IFT46: variants seen among roughly 807,000 people sequenced by gnomAD.
IFT46 encodes intraflagellar transport protein 46 homolog.
Under a neutral mutation model 39.6 loss-of-function variants are expected in IFT46, and 19 were observed. That is an observed-to-expected ratio of 0.48 (90% confidence interval 0.33 to 0.70). The LOEUF (loss-of-function observed/expected upper bound fraction) is 0.70. Among genes scored for constraint, IFT46 ranks in the 30% least tolerant of loss-of-function variants. The probability of loss-of-function intolerance (pLI) is 0.01; values close to 1 mark genes in which losing one functional copy is unlikely to be tolerated. For missense variants in IFT46, 334 were observed against 364.8 expected (o/e 0.92, Z 0.69); for synonymous variants, 117 against 134.8 (o/e 0.87, Z 0.91).
chr11:118,547,736 TTTC>T (rs1411218992), intron 9 of IFT46, among the ~76,000 whole-genome samples: 3 of 142,052 alleles, frequency 2.1e-5, no homozygotes, highest in Admixed American at 1.4e-4. Flanking sequence ...TTACTTTTCT[TTTC>T]TTTTCTTTTT....
intron 9 of IFT46, 101 bp from the exon 10 acceptor site, chr11:118,545,954 G>C (rs781896622): frequency 1.7e-4 from 165 of 980,626 alleles, no homozygotes; most frequent in Non-Finnish European, 2.5e-4. Flanking sequence ...ATAAGACACA[G>C]GTTATGGGCT....
intron 2 of IFT46, among the ~76,000 whole-genome samples, chr11:118,563,700 C>G (rs568547944): frequency 2.0e-5 from 3 of 152,334 alleles, no homozygotes; most frequent in East Asian, 1.9e-4. Flanking sequence ...CCTCTCTGAT[C>G]TGACCATATC....
chr11:118,556,694 A>G (rs1402355470), intron 4 of IFT46, among the ~76,000 whole-genome samples: 1 of 152,140 alleles, frequency 6.6e-6, no homozygotes, highest in Admixed American at 6.6e-5. Context: ...CGTTTCAGAT[A>G]GTAAAGTGAT....
intron 7 of IFT46, among the ~76,000 whole-genome samples, chr11:118,553,367 G>C (rs1937716774): frequency 6.6e-6 from 1 of 151,798 alleles, no homozygotes; most frequent in South Asian, 2.1e-4. Context: ...CTTGAACCCG[G>C]GAGGTGGAGG....
In IFT46 at chr11:118,564,988, T is replaced by C. The variant is rs911418104; in HGVS notation, c.-59A>G. ...ACCTTGGTGTCTTGGGGTTGGAGTATAAATACTTGCAACCTCTTCGGAGTC... is the reference window on the plus strand; with the variant it reads ...ACCTTGGTGTCTTGGGGTTGGAGTACAAATACTTGCAACCTCTTCGGAGTC... On this transcript the variant is annotated 5_prime_UTR_variant, in exon 2 of 12. Coordinates refer to ENST00000264021, the MANE Select transcript of IFT46 (RefSeq NM_001168618.2). 6.6e-6 allele frequency: 1 copy of C among 152,648 alleles called. No individual in the cohort carries two copies. The highest frequency in any genetic ancestry group is 1.5e-5 in the Non-Finnish European group (1 of 68,054). 9.5% of individuals were successfully genotyped at this position (152,648 alleles called of 1,614,324 possible).
intron 1 of IFT46, among the ~76,000 whole-genome samples, chr11:118,572,035 A>C (rs1938347664): frequency 6.6e-6 from 1 of 150,708 alleles, no homozygotes. Flanking sequence ...GGTTGCAGTG[A>C]GCCGAGATCA....
chr11:118,557,801 G>A, intron 3 of IFT46: 1 of 1,614,120 alleles, frequency 6.2e-7, no homozygotes, highest in Non-Finnish European at 8.5e-7. Flanking sequence ...AAGGGGTCTG[G>A]TGGCACTTGA....
upstream of IFT46, among the ~76,000 whole-genome samples, chr11:118,567,555 G>A (rs1430262695): frequency 1.3e-5 from 2 of 152,146 alleles, no homozygotes; most frequent in African/African-American, 2.4e-5. Context: ...CAGCCTGGGC[G>A]ACAGGGCGAG....
At chr11:118,554,259 G>A (rs1555068979) in intron 7 of IFT46, among the ~76,000 whole-genome samples, 200 bp downstream of exon 7, 1 of 151,818 alleles carries the variant, frequency 6.6e-6, no homozygotes, top group Non-Finnish European at 1.5e-5. Flanking sequence ...GTTTCACCAT[G>A]TTAAGCCAGG....
chr11:118,565,951 A>C (rs1036098779), upstream of IFT46: 1 of 152,208 alleles, frequency 6.6e-6, no homozygotes, highest in African/African-American at 2.4e-5. Flanking sequence ...AATTCGCGAG[A>C]GTTGCTTCCA....
chr11:118,544,959 G>A lies in IFT46; in HGVS notation c.872C>T (p.Ser291Phe), dbSNP rs1951639927. The change falls in exon 12 of 12, where the codon TCC becomes TTC. Residue 291 changes from serine to phenylalanine, a missense_variant. By Grantham distance (155) the Ser-to-Phe change is radical. Transcript: ENST00000264021. ...GKKAFTPSSNSTSQAGDMETL... is the reference protein window; with the variant it reads ...GKKAFTPSSNFTSQAGDMETL... ...CTCCATGTCTCCAGCTTGGGAGGTG[G>A]AATTGGATGAAGGAGTGAATGCTTT... 1 of 1,613,788 alleles carries A rather than the reference G, an allele frequency of 6.2e-7. No homozygotes were observed. Among genetic ancestry groups the A allele is most frequent in the Non-Finnish European group, 8.5e-7 (1 of 1,179,812 alleles).
At chr11:118,569,496 A>G (rs1938294199), upstream of IFT46, among the ~76,000 whole-genome samples, 1 of 152,158 alleles carries the variant, frequency 6.6e-6, no homozygotes, top group Non-Finnish European at 1.5e-5. Flanking sequence ...CCAGACATAT[A>G]AAATTTAAAA....
rs377719348 is a variant in IFT46, at chr11:118,555,145, T to TA, written c.261-63dup. 472 of 1,518,664 alleles carry TA rather than the reference T, an allele frequency of 3.1e-4. 1 individual carries two copies. The highest frequency in any genetic ancestry group is 3.5e-4 in the African/African-American group (25 of 72,434). 94.1% of individuals were successfully genotyped at this position (1,518,664 alleles called of 1,614,324 possible). ...GAAAAAGTTACTTTACTATTCAGGC[T>TA]AAAAAAAAATCTAAGGGGAATGGCC... On this transcript the variant is annotated intron_variant, in intron 5 of 11. Coordinates refer to ENST00000264021, the MANE Select transcript of IFT46 (RefSeq NM_001168618.2).
upstream of IFT46, chr11:118,573,749 A>G (rs138557419): frequency 1.2e-3 from 773 of 668,908 alleles, 2 homozygotes; most frequent in Non-Finnish European, 1.8e-3. Context: ...TCATGCTTGG[A>G]CTTTAGGCCA....
At chr11:118,546,259 A>T (rs1166234176) in intron 9 of IFT46, 7 of 690,198 alleles carry the variant, frequency 1.0e-5, no homozygotes, top group Non-Finnish European at 1.9e-5. Flanking sequence ...GCACTGTGGG[A>T]GGTTGAGGTG....
upstream of IFT46, among the ~76,000 whole-genome samples, chr11:118,575,212 T>G (rs1938463542): frequency 6.6e-6 from 1 of 152,134 alleles, no homozygotes; most frequent in Non-Finnish European, 1.5e-5. Context: ...TCTCCTCACC[T>G]CGTGATCTGC....
Position 118,552,079 on chromosome 11 carries a change from G to A in IFT46, c.605+135C>T. The A allele has an allele frequency of 5.4e-6, 6 of 1,110,516 alleles. No homozygotes were observed. The Admixed American group carries it at 1.1e-4, about 20-fold the overall frequency. 68.8% of individuals were successfully genotyped at this position (1,110,516 alleles called of 1,614,324 possible). ...ATCTTTATGTCTACAATCTCAGCCAGTAGTTGCCAGGATCCACAGGACCTC... is the reference window on the plus strand; with the variant it reads ...ATCTTTATGTCTACAATCTCAGCCAATAGTTGCCAGGATCCACAGGACCTC... On this transcript the variant is annotated intron_variant, in intron 8 of 11. Transcript: ENST00000264021.
intron 9 of IFT46, among the ~76,000 whole-genome samples, chr11:118,550,378 A>G (rs1223620952): frequency 6.6e-6 from 1 of 152,100 alleles, no homozygotes; most frequent in African/African-American, 2.4e-5. Context: ...TTTCTCCTAT[A>G]TTTTATTTCA....
upstream of IFT46, among the ~76,000 whole-genome samples, chr11:118,574,192 A>G (rs1411630526): frequency 7.9e-5 from 12 of 152,144 alleles, no homozygotes; most frequent in African/African-American, 2.7e-4. Flanking sequence ...ACTTAACATG[A>G]TCCAGATACC....
Sources: allele counts gnomAD v4.1 joint callset (sites outside exome capture counted in the v4.1 genomes callset), GRCh38; gene constraint gnomAD v4.1.1; transcripts MANE v1.5; gene names NCBI Gene and HGNC (gene_info 2026-07-23, HGNC 2026-07-21).